RNF220: variants seen among roughly 807,000 people sequenced by gnomAD.
RNF220 encodes ring finger protein 220.
A neutral mutation model predicts 67.1 loss-of-function variants in RNF220; 7 were observed. The ratio of observed to expected loss-of-function variants is 0.10; its 90% CI spans 0.06 to 0.20. RNF220 has a LOEUF of 0.20. RNF220 is among the 10% of genes least tolerant of loss of function. The pLI is 1.00. For missense variants in RNF220, 565 were observed against 740.3 expected (o/e 0.76, Z 2.75); for synonymous variants, 270 against 283.2 (o/e 0.95, Z 0.47).
intron 2 of RNF220, among the ~76,000 whole-genome samples, chr1:44,467,207 T>C (rs1654351951): frequency 2.0e-5 from 3 of 151,626 alleles, no homozygotes; most frequent in African/African-American, 7.3e-5. Flanking sequence ...GCTTCAAACT[T>C]TTTTTTTTCC....
At chr1:44,558,605 G>A (rs1270187462) in intron 2 of RNF220, among the ~76,000 whole-genome samples, 1 of 152,118 alleles carries the variant, frequency 6.6e-6, no homozygotes, top group Non-Finnish European at 1.5e-5. Context: ...AGCCCTGCAA[G>A]GTGAGTATTT....
At chr1:44,495,027 A>G (rs998226847) in intron 2 of RNF220, among the ~76,000 whole-genome samples, 1 of 152,138 alleles carries the variant, frequency 6.6e-6, no homozygotes, top group Non-Finnish European at 1.5e-5. Context: ...ACCCTGGGCA[A>G]CATCGCAAGA....
chr1:44,436,494 G>A (rs865856713), intron 2 of RNF220, among the ~76,000 whole-genome samples: 6 of 152,186 alleles, frequency 3.9e-5, no homozygotes, highest in African/African-American at 1.4e-4. Flanking sequence ...AAGGCCAGGG[G>A]AGGGACTTGC....
At chr1:44,503,464 G>T (rs1015592711) in intron 2 of RNF220, among the ~76,000 whole-genome samples, 12 of 152,038 alleles carry the variant, frequency 7.9e-5, no homozygotes, top group Non-Finnish European at 1.6e-4. Flanking sequence ...GAATGTCCAT[G>T]TGTGCATACA....
chr1:44,472,222 G>T (rs1654877848), intron 2 of RNF220, among the ~76,000 whole-genome samples: 1 of 152,090 alleles, frequency 6.6e-6, no homozygotes, highest in Admixed American at 6.5e-5. Flanking sequence ...CAGTTCTCTT[G>T]GGTATATATC....
chr1:44,650,786 C>A lies in RNF220; in HGVS notation c.*11C>A, dbSNP rs1344249287. ...AGGATCTACTTGTGAGCTATCTGCC[C>A]CAGGCAGGCCTCGCCTCCAGCAGCC... On this transcript the variant is annotated 3_prime_UTR_variant, in exon 15 of 15. Coordinates refer to ENST00000361799, the MANE Select transcript of RNF220 (RefSeq NM_018150.4). This position sits in a 1 kb window ranked among gnomAD's most constrained non-coding sequence, Gnocchi z 4.3. 5 of 1,612,890 alleles carry A rather than the reference C, an allele frequency of 3.1e-6. No homozygotes were observed. In the South Asian group the frequency reaches 5.5e-5, roughly 18 times the overall value.
intron 2 of RNF220, among the ~76,000 whole-genome samples, chr1:44,456,510 C>G (rs1479608490): frequency 6.6e-6 from 1 of 152,148 alleles, no homozygotes; most frequent in African/African-American, 2.4e-5. Flanking sequence ...TAAGGACCTA[C>G]TAAGCACTGG....
intron 5 of RNF220, chr1:44,632,099 C>T (rs1644154118): frequency 2.8e-6 from 4 of 1,426,576 alleles, no homozygotes; most frequent in Non-Finnish European, 3.7e-6. Flanking sequence ...GAGGCCAGGG[C>T]TGGGGCGGCA....
intron 12 of RNF220, among the ~76,000 whole-genome samples, chr1:44,647,019 G>T (rs1644671624): frequency 6.6e-6 from 1 of 152,234 alleles, no homozygotes. Context: ...TATTTCGCCA[G>T]AGCCAAGATT....
chr1:44,445,451 G>A (rs1001520384), intron 2 of RNF220, among the ~76,000 whole-genome samples: 3 of 152,122 alleles, frequency 2.0e-5, no homozygotes, highest in Admixed American at 6.5e-5. Context: ...CATGGGCTGT[G>A]AGATCCTTGA....
At chr1:44,469,389 C>A (rs1485517496) in intron 2 of RNF220, among the ~76,000 whole-genome samples, 1 of 152,012 alleles carries the variant, frequency 6.6e-6, no homozygotes, top group Non-Finnish European at 1.5e-5. Flanking sequence ...GCAAACCAGC[C>A]TAAGAAAAGG....
intron 2 of RNF220, among the ~76,000 whole-genome samples, chr1:44,529,176 A>G (rs1487720940): frequency 1.3e-5 from 2 of 152,352 alleles, no homozygotes; most frequent in African/African-American, 4.8e-5. Flanking sequence ...ATAGCAGAGA[A>G]AATCTGAGAA....
chr1:44,607,888 T>A (rs1033759569), intron 2 of RNF220, among the ~76,000 whole-genome samples: 22 of 151,460 alleles, frequency 1.5e-4, no homozygotes, highest in African/African-American at 2.7e-4. Flanking sequence ...TTCCTTCACC[T>A]TCCAGACCAG....
At chr1:44,480,158 C>T (rs1216825447) in intron 2 of RNF220, among the ~76,000 whole-genome samples, 1 of 152,220 alleles carries the variant, frequency 6.6e-6, no homozygotes, top group Non-Finnish European at 1.5e-5. Context: ...ACTCCCAGCA[C>T]TTTGGGAGGC....
intron 2 of RNF220, among the ~76,000 whole-genome samples, chr1:44,512,872 G>T (rs769554700): frequency 1.3e-5 from 2 of 152,136 alleles, no homozygotes; most frequent in African/African-American, 4.8e-5. Context: ...CAGTGAGCTC[G>T]GTGGCTCCTG....
intron 2 of RNF220, among the ~76,000 whole-genome samples, chr1:44,508,017 T>G (rs1260447758): frequency 1.3e-5 from 2 of 152,086 alleles, no homozygotes; most frequent in African/African-American, 4.8e-5. Flanking sequence ...TGGGGTAGGA[T>G]CCACTGGAGC....
At chr1:44,608,513 T>C (rs1667442956) in intron 2 of RNF220, among the ~76,000 whole-genome samples, 3 of 152,162 alleles carry the variant, frequency 2.0e-5, no homozygotes. Context: ...GTCACCACAT[T>C]GTTCTGAGCC....
At chr1:44,408,750 C>G (rs1647659494) in intron 1 of RNF220, 1 of 151,094 alleles carries the variant, frequency 6.6e-6, no homozygotes, top group Non-Finnish European at 1.5e-5. Context: ...TAATTGCCAG[C>G]AGAGCCGTAG....
At chr1:44,641,100 G>C (rs1374183070) in intron 8 of RNF220, among the ~76,000 whole-genome samples, 2 of 152,120 alleles carry the variant, frequency 1.3e-5, no homozygotes. Flanking sequence ...ATGGGAGAAG[G>C]GTCGTTTTTA....
Sources: allele counts gnomAD v4.1 joint callset (sites outside exome capture counted in the v4.1 genomes callset), GRCh38; gene constraint gnomAD v4.1.1; non-coding constraint Gnocchi (gnomAD v3.1); transcripts MANE v1.5; gene names NCBI Gene and HGNC (gene_info 2026-07-23, HGNC 2026-07-21).